The following TXLNB variants were observed in gnomAD, a reference collection of about 807,000 sequenced individuals.
TXLNB encodes the protein taxilin beta.
Under a neutral mutation model 57.4 loss-of-function variants are expected in TXLNB, and 37 were observed. That is an observed-to-expected ratio of 0.64 (90% CI 0.50 to 0.85). TXLNB has a LOEUF of 0.85. Ranked by LOEUF, TXLNB falls within the 40% of genes least tolerant of loss-of-function variation. The pLI, the probability that TXLNB is intolerant of heterozygous loss-of-function variation, is 0.00. For synonymous variants in TXLNB, 302 were observed against 309.6 expected (o/e 0.98, Z 0.26); for missense variants, 848 against 825.6 (o/e 1.03, Z -0.33).
chr6:139,322,356 G>A, the TXLNB span, among the ~76,000 whole-genome samples: 1 of 152,164 alleles, frequency 6.6e-6, no homozygotes, highest in Admixed American at 6.5e-5. Context: ...GGGGACAAGT[G>A]TTGTGTCCTC....
chr6:139,275,408 A>C (rs1055340686), intron 3 of TXLNB, among the ~76,000 whole-genome samples: 2 of 152,220 alleles, frequency 1.3e-5, no homozygotes, highest in African/African-American at 4.8e-5. Context: ...TTATAATAAA[A>C]ATCTGCATAC....
At chr6:139,193,255 T>C in the TXLNB span, among the ~76,000 whole-genome samples, 1 of 148,740 alleles carries the variant, frequency 6.7e-6, no homozygotes, top group Non-Finnish European at 1.5e-5. Context: ...TTTTTTTTTT[T>C]TTTTTATCAT....
At chr6:139,214,539 A>C in the TXLNB span, among the ~76,000 whole-genome samples, 1 of 152,178 alleles carries the variant, frequency 6.6e-6, no homozygotes, top group South Asian at 2.1e-4. Flanking sequence ...ATGGACAAAA[A>C]CTGGAAGCAC....
Position 139,288,671 on chromosome 6 carries a change from C to CT in TXLNB, c.228dup (p.Ala77SerfsTer11). 1 of 1,614,200 alleles carries CT rather than the reference C, an allele frequency of 6.2e-7. No homozygotes were observed. The highest frequency in any genetic ancestry group is 8.5e-7 in the Non-Finnish European group (1 of 1,180,032). On this transcript the variant is annotated frameshift_variant, in exon 2 of 10. Coordinates refer to ENST00000358430, the MANE Select transcript of TXLNB (RefSeq NM_153235.4). LOFTEE classifies it high-confidence loss of function. ...GCCCTGGCAGAGCCCTCTTTCCCTG[C>CT]TGTGCTGGCAGCAGACCCATAAGTG...
chr6:139,278,653 G>A (rs924854180), intron 2 of TXLNB, among the ~76,000 whole-genome samples: 1 of 152,142 alleles, frequency 6.6e-6, no homozygotes, highest in African/African-American at 2.4e-5. Context: ...TCTTGGCCCA[G>A]GATGCAACAC....
At chr6:139,160,741 A>T in the TXLNB span, among the ~76,000 whole-genome samples, 2 of 152,232 alleles carry the variant, frequency 1.3e-5, no homozygotes, top group South Asian at 4.1e-4. Context: ...AAACACCTGT[A>T]TGGCATGTTC....
downstream of TXLNB, chr6:139,239,225 T>C (rs971334400): frequency 6.6e-6 from 1 of 152,258 alleles, no homozygotes; most frequent in African/African-American, 2.4e-5. This position sits in a 1 kb window ranked among gnomAD's most constrained non-coding sequence, Gnocchi z 4.7. Flanking sequence ...CTTTGAGTCT[T>C]GTTCGATGAA....
rs992310543 is a variant in TXLNB at position 139,262,602 on chromosome 6, C to T, written c.859G>A (p.Asp287Asn). The T allele has an allele frequency of 3.1e-6, 5 of 1,613,728 alleles. No individual in the cohort carries two copies. Among genetic ancestry groups the T allele is most frequent in the Non-Finnish European group, 2.5e-6 (3 of 1,179,884 alleles). The change falls in exon 5 of 10, where the codon GAT (aspartate) becomes AAT (asparagine). Residue 287 changes from aspartate to asparagine, a missense_variant. Transcript: ENST00000358430. ...ELAEKLKSII[D>N]QYELREEHLD... ...ACCTCCTCTCTGAGCTCATACTGATCGATGATGCTTTTCAGCTTTTCTGCA... is the reference window on the plus strand; with the variant it reads ...ACCTCCTCTCTGAGCTCATACTGATTGATGATGCTTTTCAGCTTTTCTGCA...
intron 2 of TXLNB, among the ~76,000 whole-genome samples, chr6:139,282,215 CAGAGA>C (rs1777070582): frequency 6.7e-6 from 1 of 149,850 alleles, no homozygotes; most frequent in Non-Finnish European, 1.5e-5. Flanking sequence ...ATTACTCTCT[CAGAGA>C]AACTAGAAAT....
chr6:139,215,130 TA>T, the TXLNB span, among the ~76,000 whole-genome samples: 1 of 149,750 alleles, frequency 6.7e-6, no homozygotes, highest in South Asian at 2.1e-4. Context: ...AAAACTACTT[TA>T]AAGTTCATAT....
At chr6:139,209,248 T>C in the TXLNB span, among the ~76,000 whole-genome samples, 2 of 151,506 alleles carry the variant, frequency 1.3e-5, no homozygotes, top group African/African-American at 4.9e-5. Context: ...ATCAAGGAGG[T>C]GAAAGATCTC....
At chr6:139,201,280 C>G in the TXLNB span, among the ~76,000 whole-genome samples, 1 of 152,200 alleles carries the variant, frequency 6.6e-6, no homozygotes, top group Non-Finnish European at 1.5e-5. Flanking sequence ...CCCAATAGAA[C>G]AGACAGAATC....
chr6:139,235,893 A>G (rs1444414858), downstream of TXLNB, among the ~76,000 whole-genome samples: 1 of 152,198 alleles, frequency 6.6e-6, no homozygotes, highest in Non-Finnish European at 1.5e-5. Flanking sequence ...GCTGGATGTC[A>G]AGAAGAGCAG....
chr6:139,241,020 C>G lies in TXLNB; in HGVS notation c.*1506G>C, dbSNP rs1775921434. 1 of 152,310 alleles carries G rather than the reference C, an allele frequency of 6.6e-6. No individual in the cohort carries two copies. Among genetic ancestry groups the G allele is most frequent in the African/African-American group, 2.4e-5 (1 of 41,424 alleles). 9.4% of individuals were successfully genotyped at this position (152,310 alleles called of 1,614,324 possible). A position where few individuals can be genotyped will look rare whatever the true frequency, so the allele number is the denominator to read the frequency against. On this transcript the variant is annotated 3_prime_UTR_variant, in exon 10 of 10. Coordinates refer to ENST00000358430, the MANE Select transcript of TXLNB (RefSeq NM_153235.4). ...TCCCTTTCCTCTCTCTCCCTCTCTT[C>G]TTTCCTGTTTCATTGTTGCAGCTAT...
downstream of TXLNB, among the ~76,000 whole-genome samples, chr6:139,235,154 C>T (rs781214656): frequency 8.5e-5 from 13 of 152,276 alleles, no homozygotes; most frequent in East Asian, 3.9e-4. Flanking sequence ...AGGACAGGCG[C>T]TCCTGTTTTC....
chr6:139,236,973 T>A (rs1369194689), downstream of TXLNB, among the ~76,000 whole-genome samples: 1 of 152,122 alleles, frequency 6.6e-6, no homozygotes, highest in South Asian at 2.1e-4. Context: ...ACAAACCCTG[T>A]GCGTAAAAAT....
At chr6:139,227,384 A>G in the TXLNB span, among the ~76,000 whole-genome samples, 3 of 152,106 alleles carry the variant, frequency 2.0e-5, no homozygotes, top group Non-Finnish European at 2.9e-5. Context: ...GTGAGATATT[A>G]CTATACGCTT....
chr6:139,242,488 A>G lies in TXLNB; in HGVS notation c.*38T>C. On this transcript the variant is annotated 3_prime_UTR_variant, in exon 10 of 10. Coordinates refer to ENST00000358430, the MANE Select transcript of TXLNB (RefSeq NM_153235.4). ...AGACAAGCTGTTATGCTGAATATGC[A>G]AAGAGGCAGGAAGAAGCCTCTGAAG... The G allele has an allele frequency of 6.9e-7, 1 of 1,449,286 alleles. No homozygotes were observed. Among genetic ancestry groups the G allele is most frequent in the Non-Finnish European group, 9.1e-7 (1 of 1,098,676 alleles). 89.8% of individuals were successfully genotyped at this position (1,449,286 alleles called of 1,614,324 possible). A position where few individuals can be genotyped will look rare whatever the true frequency, so the allele number is the denominator to read the frequency against.
chr6:139,182,394 G>C, the TXLNB span, among the ~76,000 whole-genome samples: 1 of 152,152 alleles, frequency 6.6e-6, no homozygotes, highest in Non-Finnish European at 1.5e-5. Context: ...AAGGAAAAAA[G>C]TTGCAGAAAA....
Sources: allele counts gnomAD v4.1 joint callset (sites outside exome capture counted in the v4.1 genomes callset), GRCh38; gene constraint gnomAD v4.1.1; non-coding constraint Gnocchi (gnomAD v3.1); transcripts MANE v1.5; gene names NCBI Gene and HGNC (gene_info 2026-07-23, HGNC 2026-07-21).